Variants in HORMAD2 observed in about 807,000 individuals in gnomAD.
HORMAD2 encodes the protein HORMA domain-containing protein 2.
In HORMAD2, 45 loss-of-function variants were observed where a neutral mutation model predicts 38.8. That is an observed-to-expected ratio of 1.16 (90% CI 0.91 to 1.49). The LOEUF is 1.49. HORMAD2 is among the 40% of genes most tolerant of loss of function. The pLI is 0.00. For missense variants in HORMAD2, 338 were observed against 367.0 expected (o/e 0.92, Z 0.65); for synonymous variants, 126 against 122.8 (o/e 1.03, Z -0.17).
At chr22:30,157,954 A>G (rs1281350801) in intron 10 of HORMAD2, among the ~76,000 whole-genome samples, 1 of 152,198 alleles carries the variant, frequency 6.6e-6, no homozygotes, top group East Asian at 1.9e-4. Context: ...CATGTACCAG[A>G]TATTATATCA....
chr22:30,110,586 A>C (rs746923612), intron 5 of HORMAD2, among the ~76,000 whole-genome samples: 1 of 151,684 alleles, frequency 6.6e-6, no homozygotes, highest in Non-Finnish European at 1.5e-5. Flanking sequence ...GAGTTTCACC[A>C]TGTTTCCCAG....
At chr22:30,162,483 A>G (rs1850523311) in intron 10 of HORMAD2, among the ~76,000 whole-genome samples, 1 of 152,120 alleles carries the variant, frequency 6.6e-6, no homozygotes, top group African/African-American at 2.4e-5. Context: ...AAAGAACGTA[A>G]AATATCTCCA....
At chr22:30,147,683 G>GA (rs1337138886) in intron 10 of HORMAD2, among the ~76,000 whole-genome samples, 1 of 151,842 alleles carries the variant, frequency 6.6e-6, no homozygotes, top group Admixed American at 6.6e-5. Context: ...CAAAAACTGG[G>GA]AAAAAATATT....
intron 10 of HORMAD2, among the ~76,000 whole-genome samples, chr22:30,175,846 G>T (rs1047928624): frequency 6.6e-6 from 1 of 152,162 alleles, no homozygotes; most frequent in African/African-American, 2.4e-5. Flanking sequence ...TCAGAAACTG[G>T]CTGCCTCCAA....
intron 7 of HORMAD2, among the ~76,000 whole-genome samples, chr22:30,118,536 TACTG>T (rs768621307): frequency 4.5e-4 from 68 of 152,382 alleles, no homozygotes; most frequent in Non-Finnish European, 7.8e-4. Flanking sequence ...TTTACTTATT[TACTG>T]ACTATTTCCC....
chr22:30,104,532 A>G (rs903479998), intron 5 of HORMAD2, 95 bp downstream of exon 5: 1 of 1,000,918 alleles, frequency 1.0e-6, no homozygotes, highest in African/African-American at 1.6e-5. Flanking sequence ...TGTGTTTAAC[A>G]GTATAAGTGT....
At chr22:30,106,319 G>C (rs1921192506) in intron 5 of HORMAD2, among the ~76,000 whole-genome samples, 1 of 151,984 alleles carries the variant, frequency 6.6e-6, no homozygotes, top group Admixed American at 6.6e-5. Flanking sequence ...ACTATATATT[G>C]ATTTTTTTAT....
intron 1 of HORMAD2, among the ~76,000 whole-genome samples, chr22:30,086,197 C>A (rs1264684904): frequency 6.6e-6 from 1 of 152,206 alleles, no homozygotes; most frequent in Non-Finnish European, 1.5e-5. Flanking sequence ...CCTCCTTCTC[C>A]TTCCCCTTCT....
At chr22:30,090,276 T>G (rs531991379) in intron 1 of HORMAD2, among the ~76,000 whole-genome samples, 2 of 152,236 alleles carry the variant, frequency 1.3e-5, no homozygotes, top group East Asian at 3.9e-4. Flanking sequence ...GGTGGGAGAA[T>G]CATTTAAGCC....
chr22:30,115,975 G>A (rs1382677078), intron 7 of HORMAD2, among the ~76,000 whole-genome samples: 1 of 152,178 alleles, frequency 6.6e-6, no homozygotes, highest in Non-Finnish European at 1.5e-5. Context: ...AGGCATTGGC[G>A]TCAAATCGCA....
At chr22:30,143,423 G>C (rs529778482) in intron 10 of HORMAD2, among the ~76,000 whole-genome samples, 1 of 152,168 alleles carries the variant, frequency 6.6e-6, no homozygotes, top group Non-Finnish European at 1.5e-5. Flanking sequence ...GTTTTTTAAA[G>C]ATATCTTTGC....
intron 10 of HORMAD2, among the ~76,000 whole-genome samples, chr22:30,138,805 A>G (rs1430219106): frequency 6.6e-6 from 1 of 152,234 alleles, no homozygotes; most frequent in Non-Finnish European, 1.5e-5. Flanking sequence ...GCAGGTATAT[A>G]GAAATACTTT....
intron 1 of HORMAD2, among the ~76,000 whole-genome samples, chr22:30,085,743 A>T (rs1485855815): frequency 6.6e-6 from 1 of 152,236 alleles, no homozygotes; most frequent in Non-Finnish European, 1.5e-5. Context: ...ACACAGTGAG[A>T]GTCCTTTTCA....
chr22:30,157,024 C>G (rs1482618384), intron 10 of HORMAD2, among the ~76,000 whole-genome samples: 1 of 152,134 alleles, frequency 6.6e-6, no homozygotes, highest in Non-Finnish European at 1.5e-5. Flanking sequence ...TAATTCTAAG[C>G]CAAAATATAC....
the HORMAD2 span, among the ~76,000 whole-genome samples, chr22:30,194,190 A>G: frequency 1.3e-5 from 2 of 152,194 alleles, no homozygotes; most frequent in Non-Finnish European, 2.9e-5. Flanking sequence ...AGCGCCACCA[A>G]CCAGTCCACA....
intron 10 of HORMAD2, among the ~76,000 whole-genome samples, chr22:30,154,400 T>G (rs1924940918): frequency 6.6e-6 from 1 of 152,240 alleles, no homozygotes; most frequent in Non-Finnish European, 1.5e-5. Flanking sequence ...GCCATTTGCT[T>G]TATCACTCCT....
intron 2 of HORMAD2, 112 bp downstream of exon 2, chr22:30,094,115 G>A: frequency 1.4e-6 from 1 of 722,016 alleles, no homozygotes; most frequent in Admixed American, 2.7e-5. Flanking sequence ...TCAGTTAATT[G>A]GCACATAATA....
At chr22:30,102,337 G>A (rs1308128319) in intron 3 of HORMAD2, among the ~76,000 whole-genome samples, 1 of 152,166 alleles carries the variant, frequency 6.6e-6, no homozygotes, top group African/African-American at 2.4e-5. Flanking sequence ...CAACGGCAAT[G>A]ATACCATTCC....
intron 1 of HORMAD2, among the ~76,000 whole-genome samples, chr22:30,080,811 A>G (rs573409752): frequency 3.9e-5 from 6 of 152,174 alleles, no homozygotes; most frequent in African/African-American, 1.4e-4. Flanking sequence ...AGCCATGATG[A>G]GGCTGGCAGG....
Sources: gnomAD v4.1 joint callset for allele counts (sites outside exome capture counted in the v4.1 genomes callset) on GRCh38, gnomAD v4.1.1 for gene constraint, MANE v1.5 for transcripts, NCBI Gene and HGNC (gene_info 2026-07-23, HGNC 2026-07-21) for gene names.